The following RSU1 variants were observed in gnomAD, a reference collection of about 807,000 sequenced individuals.
RSU1 encodes the protein rsu-1.
A neutral mutation model predicts 31.1 loss-of-function variants in RSU1; 26 were observed. The observed-to-expected ratio is 0.84, with a 90% CI of 0.61 to 1.16. The LOEUF (loss-of-function observed/expected upper bound fraction) is 1.16. Among genes scored for constraint, RSU1 ranks in the 50% most tolerant of loss-of-function variants. The pLI is 0.00. For synonymous variants in RSU1, 164 were observed against 136.3 expected, an observed-to-expected ratio of 1.20 and a Z score of -1.41; for missense variants, 320 against 339.1, an observed-to-expected ratio of 0.94 and a Z score of 0.44.
intron 7 of RSU1, among the ~76,000 whole-genome samples, chr10:16,731,295 G>C (rs1007685665): frequency 1.7e-4 from 26 of 151,974 alleles, no homozygotes; most frequent in African/African-American, 6.3e-4. Flanking sequence ...CCGGGCGCGG[G>C]GGTGGGCGCC....
intron 8 of RSU1, among the ~76,000 whole-genome samples, chr10:16,619,772 T>A (rs1266815490): frequency 6.6e-6 from 1 of 152,230 alleles, no homozygotes. Flanking sequence ...CACTTTTAAC[T>A]TACAAATTTC....
At chr10:16,649,224 T>C (rs968716424) in intron 8 of RSU1, among the ~76,000 whole-genome samples, 1 of 152,198 alleles carries the variant, frequency 6.6e-6, no homozygotes, top group African/African-American at 2.4e-5. Flanking sequence ...AGATTAGAAA[T>C]GGCTCTTATG....
intron 8 of RSU1, among the ~76,000 whole-genome samples, chr10:16,674,157 C>A (rs974838368): frequency 1.3e-5 from 2 of 152,040 alleles, no homozygotes; most frequent in Non-Finnish European, 2.9e-5. Flanking sequence ...TTGTTTTGTT[C>A]CCCTCCCCCT....
chr10:16,611,996 T>A (rs1833897833), intron 8 of RSU1, among the ~76,000 whole-genome samples: 2 of 152,158 alleles, frequency 1.3e-5, no homozygotes, highest in Admixed American at 6.5e-5. Flanking sequence ...TTATCCTCCA[T>A]AAAACAGGAC....
chr10:16,788,274 C>T (rs1362150700), intron 2 of RSU1, among the ~76,000 whole-genome samples: 1 of 152,160 alleles, frequency 6.6e-6, no homozygotes, highest in African/African-American at 2.4e-5. Context: ...CAAGCCATCC[C>T]CTATGCATGG....
chr10:16,768,947 T>C (rs1254281681), intron 3 of RSU1, among the ~76,000 whole-genome samples: 2 of 152,216 alleles, frequency 1.3e-5, no homozygotes, highest in South Asian at 2.1e-4. Context: ...AGCCCCTTCC[T>C]GAGCAACAGC....
intron 2 of RSU1, among the ~76,000 whole-genome samples, chr10:16,814,672 A>C (rs78868513): frequency 0.026 from 3,985 of 152,270 alleles, 60 homozygotes; most frequent in Non-Finnish European, 0.038. Context: ...TCAATGCTAC[A>C]GAAGCCAGAG....
At chr10:16,768,503 G>A (rs1837363198) in intron 3 of RSU1, among the ~76,000 whole-genome samples, 3 of 127,570 alleles carry the variant, frequency 2.4e-5, no homozygotes, top group African/African-American at 7.0e-5. Context: ...AGAGGACTCA[G>A]ATATCCCCTG....
At chr10:16,646,760 T>C (rs1834580095) in intron 8 of RSU1, among the ~76,000 whole-genome samples, 1 of 152,206 alleles carries the variant, frequency 6.6e-6, no homozygotes, top group African/African-American at 2.4e-5. Flanking sequence ...TATTAAAATA[T>C]GTGAGTAAGC....
chr10:16,600,284 C>T (rs1021282071), intron 8 of RSU1, among the ~76,000 whole-genome samples: 13 of 152,022 alleles, frequency 8.6e-5, no homozygotes, highest in Non-Finnish European at 1.6e-4. Flanking sequence ...AGCTGCCACC[C>T]CAGGAACCCC....
chr10:16,683,504 C>T (rs767331988), intron 8 of RSU1, among the ~76,000 whole-genome samples: 99 of 152,228 alleles, frequency 6.5e-4, no homozygotes, highest in Non-Finnish European at 6.5e-4. Context: ...ACCTTTGACA[C>T]GCACATACTT....
chr10:16,734,840 A>C, intron 7 of RSU1, among the ~76,000 whole-genome samples: 1 of 152,196 alleles, frequency 6.6e-6, no homozygotes, highest in Non-Finnish European at 1.5e-5. Context: ...GACTTCACAG[A>C]GATGATTTAG....
At chr10:16,724,866 T>C (rs1836351457) in intron 7 of RSU1, among the ~76,000 whole-genome samples, 1 of 152,232 alleles carries the variant, frequency 6.6e-6, no homozygotes, top group African/African-American at 2.4e-5. Context: ...AATACTGCTC[T>C]ATGCAACAAT....
At position 16,590,749 on chromosome 10, in the gene RSU1, C is replaced by G. The variant is rs1833491678; in HGVS notation, c.*2645G>C. On this transcript the variant is annotated 3_prime_UTR_variant, in exon 9 of 9. Transcript: ENST00000345264. ...CACAATACAGAGATAATTTAACTGCCTTAAAATAATTGTGTTCACCTCTAT... is the reference window on the plus strand; with the variant it reads ...CACAATACAGAGATAATTTAACTGCGTTAAAATAATTGTGTTCACCTCTAT... 6.6e-6 allele frequency: 1 copy of G among 152,128 alleles called. No homozygotes were observed. Among genetic ancestry groups the G allele is most frequent in the African/African-American group, 2.4e-5 (1 of 41,430 alleles). The allele number at this position is 152,128 out of a possible 1,614,324, so 9.4% of individuals were successfully genotyped here.
At chr10:16,623,911 T>C (rs1216306179) in intron 8 of RSU1, among the ~76,000 whole-genome samples, 2 of 152,116 alleles carry the variant, frequency 1.3e-5, no homozygotes, top group African/African-American at 4.8e-5. Flanking sequence ...CATTAAAACA[T>C]AGGTTTTAAG....
chr10:16,798,015 C>T (rs976137260), intron 2 of RSU1, among the ~76,000 whole-genome samples: 1 of 151,992 alleles, frequency 6.6e-6, no homozygotes, highest in Admixed American at 6.5e-5. Context: ...GTGCCCACCA[C>T]CACGCCCGGC....
At chr10:16,805,016 G>A (rs1247417887) in intron 2 of RSU1, among the ~76,000 whole-genome samples, 1 of 152,042 alleles carries the variant, frequency 6.6e-6, no homozygotes, top group Non-Finnish European at 1.5e-5. Flanking sequence ...TGGCTAACTT[G>A]GTGAAAACCC....
intron 8 of RSU1, among the ~76,000 whole-genome samples, chr10:16,656,601 T>G (rs7089460): frequency 0.67 from 101,302 of 152,152 alleles, 34,528 homozygotes; most frequent in African/African-American, 0.82. Flanking sequence ...TGATTCTCAG[T>G]TAGCTTCGCT....
chr10:16,722,313 G>A (rs1269140337), intron 7 of RSU1, among the ~76,000 whole-genome samples: 2 of 152,164 alleles, frequency 1.3e-5, no homozygotes, highest in African/African-American at 4.8e-5. Context: ...CACTAATGAG[G>A]TGGGAATATT....
Sources: allele counts gnomAD v4.1 joint callset (sites outside exome capture counted in the v4.1 genomes callset), GRCh38; gene constraint gnomAD v4.1.1; transcripts MANE v1.5; gene names NCBI Gene and HGNC (gene_info 2026-07-23, HGNC 2026-07-21).